SUPT3H: variants seen among roughly 807,000 people sequenced by gnomAD.
SUPT3H encodes the protein transcription initiation protein SPT3 homolog.
In SUPT3H, 44 loss-of-function variants were observed where a neutral mutation model predicts 44.3. The ratio of observed to expected loss-of-function variants is 0.99; its 90% CI spans 0.78 to 1.28. SUPT3H has a LOEUF of 1.28. Ranked by LOEUF, SUPT3H falls within the 50% of genes most tolerant of loss-of-function variation. SUPT3H has a pLI of 0.00. For synonymous variants in SUPT3H, 124 were observed against 125.6 expected (o/e 0.99, Z 0.09); for missense variants, 380 against 387.1 (o/e 0.98, Z 0.15).
intron 10 of SUPT3H, among the ~76,000 whole-genome samples, chr6:44,868,925 G>T (rs146824039): frequency 8.5e-5 from 13 of 152,276 alleles, no homozygotes; most frequent in African/African-American, 3.1e-4. Context: ...TATCCCAATG[G>T]GTGGACCTAC....
intron 2 of SUPT3H, among the ~76,000 whole-genome samples, chr6:45,170,016 T>G (rs1397304540): frequency 2.0e-5 from 3 of 152,188 alleles, no homozygotes; most frequent in Non-Finnish European, 4.4e-5. Flanking sequence ...ACACATTAAG[T>G]CAGACTCCTG....
chr6:45,260,712 T>C (rs958939892), intron 2 of SUPT3H, among the ~76,000 whole-genome samples: 1 of 152,110 alleles, frequency 6.6e-6, no homozygotes, highest in African/African-American at 2.4e-5. Context: ...GAATATCCTC[T>C]TTATGAAAAA....
chr6:45,176,078 T>A lies in SUPT3H; in HGVS notation c.102-70072A>T, dbSNP rs147866039. Among the ~76,000 whole-genome samples, 53 of 152,274 alleles carry A rather than the reference T, an allele frequency of 3.5e-4. No homozygotes were observed. The East Asian group carries it at 8.7e-3, about 25-fold the overall frequency. On this transcript the variant is annotated intron_variant, in intron 2 of 10. Transcript: ENST00000371459. ...TATATCTTGGGGGGAGGAGCCAAGA[T>A]GGCCGAATAGGAACAGCTCTGGTCT...
chr6:44,886,775 T>C (rs1323608420), intron 10 of SUPT3H, among the ~76,000 whole-genome samples: 17 of 152,086 alleles, frequency 1.1e-4, no homozygotes, highest in Non-Finnish European at 2.4e-4. Flanking sequence ...CAATATTAAC[T>C]TTAAATGTAA....
intron 3 of SUPT3H, among the ~76,000 whole-genome samples, chr6:45,079,876 G>C (rs553882701): frequency 6.6e-6 from 1 of 152,234 alleles, no homozygotes; most frequent in Non-Finnish European, 1.5e-5. Flanking sequence ...TACTCTATAG[G>C]GCATTGGACT....
At chr6:45,121,523 G>C (rs887180508) in intron 2 of SUPT3H, among the ~76,000 whole-genome samples, 2 of 151,890 alleles carry the variant, frequency 1.3e-5, no homozygotes, top group East Asian at 3.9e-4. Flanking sequence ...TTATGTGGGG[G>C]GGGGGGTGGA....
chr6:44,839,765 C>G (rs930241196), intron 10 of SUPT3H, among the ~76,000 whole-genome samples: 15 of 151,598 alleles, frequency 9.9e-5, no homozygotes, highest in African/African-American at 3.4e-4. Context: ...GCAGTGGCGC[C>G]ATCTCGGCTC....
At chr6:45,113,652 C>A (rs780444995) in intron 2 of SUPT3H, among the ~76,000 whole-genome samples, 14 of 151,786 alleles carry the variant, frequency 9.2e-5, no homozygotes, top group Non-Finnish European at 1.9e-4. Flanking sequence ...ATGGTGAAAC[C>A]CCATCTCTAC....
intron 2 of SUPT3H, among the ~76,000 whole-genome samples, chr6:45,154,227 A>G (rs181728988): frequency 8.5e-5 from 13 of 152,240 alleles, no homozygotes; most frequent in Non-Finnish European, 8.8e-5. Flanking sequence ...CATATTATTT[A>G]CTTCACACCT....
chr6:44,984,554 T>C (rs1412423793), intron 6 of SUPT3H, among the ~76,000 whole-genome samples: 1 of 152,132 alleles, frequency 6.6e-6, no homozygotes, highest in African/African-American at 2.4e-5. Flanking sequence ...TATAAGTGAA[T>C]ATATATTTAG....
intron 2 of SUPT3H, among the ~76,000 whole-genome samples, chr6:45,255,300 G>C (rs970529505): frequency 6.6e-6 from 1 of 151,690 alleles, no homozygotes; most frequent in Admixed American, 6.6e-5. Flanking sequence ...CTCCTCTAAG[G>C]GCTATAATTA....
chr6:44,924,369 G>A (rs1481410478), intron 10 of SUPT3H, among the ~76,000 whole-genome samples: 1 of 152,006 alleles, frequency 6.6e-6, no homozygotes, highest in East Asian at 1.9e-4. Context: ...CCATAACTTT[G>A]ACTTCAAAAT....
chr6:44,845,377 G>A (rs533086897), intron 10 of SUPT3H, among the ~76,000 whole-genome samples: 2 of 152,244 alleles, frequency 1.3e-5, no homozygotes, highest in Admixed American at 6.5e-5. Context: ...TCTCTATGGA[G>A]GGCTTGAATT....
At chr6:45,026,851 T>C (rs930086966) in intron 3 of SUPT3H, among the ~76,000 whole-genome samples, 15 of 152,174 alleles carry the variant, frequency 9.9e-5, no homozygotes, top group African/African-American at 3.4e-4. Flanking sequence ...TTTGTTTAAA[T>C]ATACAGTGTT....
rs149836971 is a variant in SUPT3H, at chr6:45,214,847, C to T, written c.102-108841G>A. ...ATAGGTAACAGAGACTTCATTAATA[C>T]TGGAGCCAAGACCTGCTGCTTGTAA... On this transcript the variant is annotated intron_variant, in intron 2 of 10. Transcript: ENST00000371459. 5.8e-3 allele frequency among the ~76,000 whole-genome samples: 885 copies of T among 152,296 alleles called. 6 individuals carry two copies. The highest frequency in any genetic ancestry group is 9.8e-3 in the Non-Finnish European group (665 of 68,028).
intron 10 of SUPT3H, among the ~76,000 whole-genome samples, chr6:44,874,852 C>G (rs1475885583): frequency 1.4e-5 from 2 of 145,902 alleles, no homozygotes; most frequent in African/African-American, 5.2e-5. Context: ...TCTTATACAC[C>G]AACAACAGAC....
At chr6:45,021,568 C>T (rs543444343) in intron 3 of SUPT3H, among the ~76,000 whole-genome samples, 2 of 151,970 alleles carry the variant, frequency 1.3e-5, no homozygotes, top group African/African-American at 4.8e-5. Flanking sequence ...CAAGTCTATC[C>T]AATATGAAAT....
chr6:45,161,566 A>G (rs1402709577), intron 2 of SUPT3H, among the ~76,000 whole-genome samples: 1 of 152,096 alleles, frequency 6.6e-6, no homozygotes, highest in Non-Finnish European at 1.5e-5. Context: ...CACTTTTGGA[A>G]GTACCATTAC....
intron 2 of SUPT3H, among the ~76,000 whole-genome samples, chr6:45,347,296 T>C (rs1182866987): frequency 1.3e-5 from 2 of 152,216 alleles, no homozygotes; most frequent in African/African-American, 4.8e-5. Flanking sequence ...ATTTCACTGA[T>C]ATATATATGA....
Sources: allele counts gnomAD v4.1 joint callset (sites outside exome capture counted in the v4.1 genomes callset), GRCh38; gene constraint gnomAD v4.1.1; transcripts MANE v1.5; gene names NCBI Gene and HGNC (gene_info 2026-07-23, HGNC 2026-07-21).